Variants in CUL3 observed in about 807,000 individuals in gnomAD.
The protein encoded by CUL3 is cullin-3.
A neutral mutation model predicts 89.1 loss-of-function variants in CUL3; 19 were observed. The ratio of observed to expected loss-of-function variants is 0.21; its 90% CI spans 0.15 to 0.31. CUL3 has a LOEUF of 0.31. Among genes scored for constraint, CUL3 ranks in the 10% least tolerant of loss-of-function variants. The pLI is 1.00. For synonymous variants in CUL3, 351 were observed against 308.4 expected, an observed-to-expected ratio of 1.14 and a Z score of -1.45; for missense variants, 469 against 942.3, an observed-to-expected ratio of 0.50 and a Z score of 6.58.
chr2:224,479,643 AG>A (rs1435453024), intron 14 of CUL3: 6 of 152,148 alleles, frequency 3.9e-5, no homozygotes, highest in African/African-American at 4.8e-5. Flanking sequence ...AAAGTTTTTT[AG>A]GGGGAAACTA....
intron 2 of CUL3, among the ~76,000 whole-genome samples, chr2:224,546,065 G>C (rs558419143): frequency 6.6e-6 from 1 of 152,050 alleles, no homozygotes; most frequent in South Asian, 2.1e-4. Flanking sequence ...GGTTGGAAAG[G>C]AATGCAGAAA....
intron 15 of CUL3, among the ~76,000 whole-genome samples, chr2:224,476,958 TC>T (rs1691345347): frequency 6.6e-6 from 1 of 152,148 alleles, no homozygotes; most frequent in Non-Finnish European, 1.5e-5. Flanking sequence ...CATTTCCTTC[TC>T]AAGGCACTAC....
At chr2:224,574,170 A>G (rs1695247028) in intron 1 of CUL3, among the ~76,000 whole-genome samples, 1 of 152,190 alleles carries the variant, frequency 6.6e-6, no homozygotes, top group Non-Finnish European at 1.5e-5. Context: ...GTAGGTAAAA[A>G]TTCCCCTTTG....
intron 1 of CUL3, among the ~76,000 whole-genome samples, chr2:224,572,451 C>G (rs1186071773): frequency 6.6e-6 from 1 of 151,174 alleles, no homozygotes; most frequent in African/African-American, 2.4e-5. Context: ...TTGAGACCAG[C>G]CTGGGCAACA....
chr2:224,550,816 C>T (rs1021634420), intron 2 of CUL3, among the ~76,000 whole-genome samples: 1 of 152,162 alleles, frequency 6.6e-6, no homozygotes, highest in African/African-American at 2.4e-5. Flanking sequence ...CCTTCCTGGT[C>T]CCCTTATTTC....
chr2:224,581,821 G>T (rs1422685014), intron 1 of CUL3, among the ~76,000 whole-genome samples: 1 of 151,838 alleles, frequency 6.6e-6, no homozygotes, highest in Non-Finnish European at 1.5e-5. Context: ...GCCCGGCCGA[G>T]TGCTTGACAC....
chr2:224,543,685 A>G (rs1283242932), intron 2 of CUL3, among the ~76,000 whole-genome samples: 4 of 152,160 alleles, frequency 2.6e-5, no homozygotes, highest in Admixed American at 6.6e-5. Context: ...CAGCACTCAA[A>G]AAGTTTCGGA....
chr2:224,585,307 T>C lies in CUL3; in HGVS notation c.-298A>G, dbSNP rs1695560259. The stretch of plus-strand genomic sequence containing the variant: ...CTCCCTTTATCGCGCTCCTCCGCGA[T>C]GGCGGCGGCGGCGGCGACGGACAAA... On this transcript the variant is annotated 5_prime_UTR_variant, in exon 1 of 16. Coordinates refer to ENST00000264414, the MANE Select transcript of CUL3 (RefSeq NM_003590.5). The C allele has an allele frequency of 2.5e-6, 1 of 399,776 alleles. No individual in the cohort carries two copies. Among genetic ancestry groups the C allele is most frequent in the Non-Finnish European group, 4.4e-6 (1 of 228,204 alleles). The allele number at this position is 399,776 out of a possible 1,614,324, so 24.8% of individuals were successfully genotyped here.
Position 224,528,708 on chromosome 2 carries a change from T to C in CUL3, c.378+6820A>G, listed in dbSNP as rs909118184. ...TTATTTTTACACACCACTTCATCTCTTTACCCATCCTTGATGACTTTCCAA... is the reference window on the plus strand; with the variant it reads ...TTATTTTTACACACCACTTCATCTCCTTACCCATCCTTGATGACTTTCCAA... On this transcript the variant is annotated intron_variant, in intron 3 of 15. Coordinates refer to ENST00000264414, the MANE Select transcript of CUL3 (RefSeq NM_003590.5). 1.6e-4 allele frequency among the ~76,000 whole-genome samples: 24 copies of C among 152,104 alleles called. 1 individual carries two copies. Among genetic ancestry groups the C allele is most frequent in the Admixed American group, 1.5e-3 (23 of 15,266 alleles).
chr2:224,567,793 G>A (rs1387719374), intron 1 of CUL3, among the ~76,000 whole-genome samples: 1 of 150,966 alleles, frequency 6.6e-6, no homozygotes, highest in Admixed American at 6.6e-5. Flanking sequence ...CAAACACTAT[G>A]AACTCCAACC....
rs569406838 is a variant in CUL3 at position 224,526,912 on chromosome 2, A to T, written c.378+8616T>A. On this transcript the variant is annotated intron_variant, in intron 3 of 15. Transcript: ENST00000264414. ...ATTTTTAAGTAGCAAGAAAAATAAA[A>T]TTAAAAAGCAGCAGGAATTTAAGGA... Among the ~76,000 whole-genome samples, 58 of 152,342 alleles carry T rather than the reference A, an allele frequency of 3.8e-4. No individual in the cohort carries two copies. The East Asian group carries it at 8.1e-3, about 21-fold the overall frequency.
intron 14 of CUL3, among the ~76,000 whole-genome samples, chr2:224,480,441 TGAAAA>T (rs1691493221): frequency 6.6e-6 from 1 of 152,200 alleles, no homozygotes; most frequent in Non-Finnish European, 1.5e-5. Context: ...ATTTTATTGC[TGAAAA>T]GAACTTTTAA....
chr2:224,527,017 T>C (rs1219624942), intron 3 of CUL3, among the ~76,000 whole-genome samples: 1 of 152,210 alleles, frequency 6.6e-6, no homozygotes, highest in Non-Finnish European at 1.5e-5. Context: ...ACATAAGGCC[T>C]AGTATGTGAC....
intron 13 of CUL3, among the ~76,000 whole-genome samples, chr2:224,489,611 G>T (rs1319492499): frequency 2.0e-5 from 3 of 152,100 alleles, no homozygotes; most frequent in Non-Finnish European, 2.9e-5. Flanking sequence ...CTATGCTCAT[G>T]GATAGGAAGA....
intron 2 of CUL3, among the ~76,000 whole-genome samples, chr2:224,539,214 A>C (rs1044434257): frequency 1.3e-5 from 2 of 152,234 alleles, no homozygotes; most frequent in Non-Finnish European, 2.9e-5. Flanking sequence ...GCATTTGAGG[A>C]GATCATAGGT....
chr2:224,564,723 T>C (rs1461722418), intron 1 of CUL3, among the ~76,000 whole-genome samples: 1 of 152,130 alleles, frequency 6.6e-6, no homozygotes, highest in Non-Finnish European at 1.5e-5. Flanking sequence ...CTATACTGCC[T>C]GCCCAGATCT....
chr2:224,556,523 T>C (rs1256102214), intron 2 of CUL3: 1 of 152,100 alleles, frequency 6.6e-6, no homozygotes, highest in Non-Finnish European at 1.5e-5. Context: ...TCTTCAAATA[T>C]GTCAATGTGC....
At position 224,471,723 on chromosome 2, in the gene CUL3, G is replaced by A. The variant is rs1295072753; in HGVS notation, c.*2522C>T. 1 of 223,724 alleles carries A rather than the reference G, an allele frequency of 4.5e-6. No homozygotes were observed. The highest frequency in any genetic ancestry group is 2.2e-5 in the African/African-American group (1 of 44,800). The allele number at this position is 223,724 out of a possible 1,614,324, so 13.9% of individuals were successfully genotyped here. ...AGGCTGTGCGTTCCCTAATTGCAAT[G>A]AATTTTCAGTCTTTAAATAATGTTA... On this transcript the variant is annotated 3_prime_UTR_variant, in exon 16 of 16. Transcript: ENST00000264414.
chr2:224,537,336 C>T (rs1346874616), intron 2 of CUL3, among the ~76,000 whole-genome samples: 2 of 152,072 alleles, frequency 1.3e-5, no homozygotes, highest in Non-Finnish European at 2.9e-5. Context: ...ATCTAGTCTA[C>T]TAAATATACA....
Sources: gnomAD v4.1 joint callset for allele counts (sites outside exome capture counted in the v4.1 genomes callset) on GRCh38, gnomAD v4.1.1 for gene constraint, MANE v1.5 for transcripts, NCBI Gene and HGNC (gene_info 2026-07-23, HGNC 2026-07-21) for gene names.